Variants in ZNF597 observed in about 807,000 individuals in gnomAD.
ZNF597 encodes zinc finger protein 597.
ZNF597 carries 5 observed loss-of-function variants against 7.3 expected under a neutral mutation model. The ratio of observed to expected loss-of-function variants is 0.68; its 90% CI spans 0.36 to 1.44. The LOEUF (loss-of-function observed/expected upper bound fraction) is 1.44, where lower values mean the gene tolerates loss of function less well. Among genes scored for constraint, ZNF597 ranks in the 40% most tolerant of loss-of-function variants. The probability of loss-of-function intolerance (pLI) is 0.04; values close to 1 mark genes in which losing one functional copy is unlikely to be tolerated. For synonymous variants in ZNF597, 209 were observed against 185.4 expected (o/e 1.13, Z -1.04); for missense variants, 585 against 517.9 (o/e 1.13, Z -1.26).
In ZNF597 at chr16:3,437,236, C is replaced by T. The variant is rs751014206; in HGVS notation, c.463G>A (p.Val155Met). Reference protein sequence around the residue: ...LDSPWEGAKNVYKCPECDQNF... With the variant: ...LDSPWEGAKNMYKCPECDQNF... ...TGGTCACACTCAGGACATTTGTACA[C>T]ATTTTTGGCTCCTTCCCAGGGAGAA... The change falls in exon 4 of 4, where the codon GTG becomes ATG. Residue 155 changes from valine to methionine, a missense_variant. Transcript: ENST00000301744. The T allele has an allele frequency of 8.1e-6, 13 of 1,614,046 alleles. No homozygotes were observed. In the African/African-American group the frequency reaches 1.2e-4, roughly 15 times the overall value.
At chr16:3,438,630 T>C (rs37829) in intron 3 of ZNF597, among the ~76,000 whole-genome samples, 121,599 of 151,934 alleles carry the variant, frequency 0.8, 49,020 homozygotes, top group Admixed American at 0.87. Flanking sequence ...GCATTTTTCT[T>C]CCATAACAAA....
chr16:3,441,779 A>G (rs1394480729), intron 2 of ZNF597, among the ~76,000 whole-genome samples: 1 of 151,494 alleles, frequency 6.6e-6, no homozygotes, highest in East Asian at 1.9e-4. Flanking sequence ...ACAAAAACAA[A>G]ACAACAACAA....
chr16:3,439,820 G>A (rs1240237381), intron 3 of ZNF597, among the ~76,000 whole-genome samples: 1 of 151,840 alleles, frequency 6.6e-6, no homozygotes, highest in Non-Finnish European at 1.5e-5. Context: ...ATAACTAGAA[G>A]ACAAATCAAT....
rs1358524425 is a variant in ZNF597 at position 3,434,488 on chromosome 16, AACAGCC to A, written c.*1930_*1935del. ...CCTAAGAGTGGAGACATCAGAAACA[AACAGCC>A]AAAGTCTGACCTTGACATACAGAGC... On this transcript the variant is annotated 3_prime_UTR_variant, in exon 4 of 4. Coordinates refer to ENST00000301744, the MANE Select transcript of ZNF597 (RefSeq NM_152457.3). 1 of 152,228 alleles carries A rather than the reference AACAGCC, an allele frequency of 6.6e-6. No individual in the cohort carries two copies. The highest frequency in any genetic ancestry group is 2.4e-5 in the African/African-American group (1 of 41,452). The allele number at this position is 152,228 out of a possible 1,614,324, so 9.4% of individuals were successfully genotyped here.
chr16:3,439,359 G>C (rs577071702), intron 3 of ZNF597, among the ~76,000 whole-genome samples: 105 of 152,094 alleles, frequency 6.9e-4, no homozygotes, highest in South Asian at 1.5e-3. Flanking sequence ...CTCCAGCCTG[G>C]GTGACAGATC....
At chr16:3,439,583 A>C (rs947288779) in intron 3 of ZNF597, among the ~76,000 whole-genome samples, 1 of 152,154 alleles carries the variant, frequency 6.6e-6, no homozygotes, top group African/African-American at 2.4e-5. Flanking sequence ...TAACTCAAAT[A>C]AGTCCTAGCA....
rs746213899 is a variant in ZNF597, at chr16:3,436,771, A to G, written c.928T>C (p.Tyr310His). ...KCMKSFRQSL[Y>H]PALSEKSHDE... The stretch of plus-strand genomic sequence containing the variant: ...TGGCTCTTCTCGGAAAGGGCAGGAT[A>G]TAAGGACTGCCTGAAGCTCTTCATG... The change falls in exon 4 of 4, where the codon TAT (tyrosine) becomes CAT (histidine). Residue 310 changes from tyrosine to histidine, a missense_variant. Transcript: ENST00000301744. 14 of 1,613,694 alleles carry G rather than the reference A, an allele frequency of 8.7e-6. No homozygotes were observed. The highest frequency in any genetic ancestry group is 1.2e-5 in the Non-Finnish European group (14 of 1,180,036).
chr16:3,437,553 AAAAG>A lies in ZNF597; in HGVS notation c.161-19_161-16del. The A allele has an allele frequency of 6.4e-7, 1 of 1,570,776 alleles. No homozygotes were observed. The highest frequency in any genetic ancestry group is 8.6e-7 in the Non-Finnish European group (1 of 1,163,582). On this transcript the variant is annotated splice_polypyrimidine_tract_variant and intron_variant, in intron 3 of 3. Transcript: ENST00000301744. Reference sequence around the variant, plus strand: ...GCCTTCCTCTCCTGTTGATAAAAACAAAAGAAAGCAAAACATAGACAATATCTTC... The same window carrying A: ...GCCTTCCTCTCCTGTTGATAAAAACAAAAGCAAAACATAGACAATATCTTC...
intron 3 of ZNF597, among the ~76,000 whole-genome samples, chr16:3,438,472 A>G (rs1567352605): frequency 6.6e-6 from 1 of 152,086 alleles, no homozygotes; most frequent in East Asian, 1.9e-4. Context: ...CTGAGGCAGG[A>G]GAATGGCGTG....
Position 3,440,856 on chromosome 16 carries a change from G to C in ZNF597, c.111C>G (p.Ser37=). The C allele has an allele frequency of 6.2e-7, 1 of 1,613,984 alleles. No individual in the cohort carries two copies. Among genetic ancestry groups the C allele is most frequent in the South Asian group, 1.1e-5 (1 of 91,072 alleles). Residue 37 remains serine, a synonymous_variant, in exon 3 of 4, where the codon TCC becomes TCG. Coordinates refer to ENST00000301744, the MANE Select transcript of ZNF597 (RefSeq NM_152457.3). ...ECVTLHPAQR[S]LSKDGTKESL... ...ACTCTTTTGTACCATCTTTGCTGAG[G>C]GACCTCTGGGCAGGGTGCAGAGTCA...
Position 3,440,596 on chromosome 16 carries a change from T to C in ZNF597, c.160+211A>G, listed in dbSNP as rs566438313. Among the ~76,000 whole-genome samples the C allele has an allele frequency of 2.0e-5, 3 of 152,080 alleles. No homozygotes were observed. In the East Asian group the frequency reaches 5.8e-4, roughly 29 times the overall value. ...TTGCAGTGAGCAGAGATCGTGCCAC[T>C]GCACTCCAGCCTGGGCAACAGAGCG... On this transcript the variant is annotated intron_variant, in intron 3 of 3. Transcript: ENST00000301744.
rs1466646317 is a variant in ZNF597 at position 3,434,847 on chromosome 16, T to C, written c.*1577A>G. ...ATATTGTACTTTTATACTGTCTATT[T>C]AAATAGAATGAGAGCATTCTTCCAT... On this transcript the variant is annotated 3_prime_UTR_variant, in exon 4 of 4. Transcript: ENST00000301744. The C allele has an allele frequency of 6.6e-6, 1 of 152,194 alleles. No individual in the cohort carries two copies. The highest frequency in any genetic ancestry group is 1.5e-5 in the Non-Finnish European group (1 of 68,028). 9.4% of individuals were successfully genotyped at this position (152,194 alleles called of 1,614,324 possible).
chr16:3,441,117 G>A (rs547464572), intron 2 of ZNF597, among the ~76,000 whole-genome samples, 184 bp from the exon 3 acceptor site: 5 of 152,216 alleles, frequency 3.3e-5, no homozygotes, highest in Non-Finnish European at 7.3e-5. Flanking sequence ...GGGAAGAAGA[G>A]AGTAAACATG....
rs1476626418 is a variant in ZNF597 at position 3,436,481 on chromosome 16, G to T, written c.1218C>A (p.Phe406Leu). 1 of 1,614,190 alleles carries T rather than the reference G, an allele frequency of 6.2e-7. No individual in the cohort carries two copies. The highest frequency in any genetic ancestry group is 1.3e-5 in the African/African-American group (1 of 75,046). The change falls in exon 4 of 4, where the codon TTC becomes TTA. Residue 406 changes from phenylalanine (F) to leucine (L), a missense_variant. Coordinates refer to ENST00000301744, the MANE Select transcript of ZNF597 (RefSeq NM_152457.3). Reference sequence around the variant, plus strand: ...GAGTAATGAGATGCAAATTCGACTTGAAAGTTTTCCCACACACGGTACATT... The same window carrying T: ...GAGTAATGAGATGCAAATTCGACTTTAAAGTTTTCCCACACACGGTACATT... ...PFKCTVCGKT[F>L]KSNLHLITHK...
rs1373673414 is a variant in ZNF597, at chr16:3,440,843, C to T, written c.124G>A (p.Gly42Ser). The T allele has an allele frequency of 4.3e-6, 7 of 1,614,014 alleles. No individual in the cohort carries two copies. The highest frequency in any genetic ancestry group is 1.1e-5 in the South Asian group (1 of 91,068). Residue 42 changes from glycine (G) to serine (S), a missense_variant, in exon 3 of 4, where the codon GGT becomes AGT. By Grantham distance (56) the Gly-to-Ser change is moderately conservative. Transcript: ENST00000301744. ...GCATCCTCCAAAGACTCTTTTGTACCATCTTTGCTGAGGGACCTCTGGGCA... is the reference window on the plus strand; with the variant it reads ...GCATCCTCCAAAGACTCTTTTGTACTATCTTTGCTGAGGGACCTCTGGGCA... ...HPAQRSLSKDGTKESLEDAAL... is the reference protein window; with the variant it reads ...HPAQRSLSKDSTKESLEDAAL...
rs750790931 is a variant in ZNF597, at chr16:3,435,257, A to C, written c.*1167T>G. ...CCTGGAGAGTCTTCTGCTGCTTTGT[A>C]ACTGTATATGTTAGTCAGGCTTTGG... On this transcript the variant is annotated 3_prime_UTR_variant, in exon 4 of 4. Coordinates refer to ENST00000301744, the MANE Select transcript of ZNF597 (RefSeq NM_152457.3). 1.3e-4 allele frequency: 20 copies of C among 152,138 alleles called. No homozygotes were observed. Among genetic ancestry groups the C allele is most frequent in the Non-Finnish European group, 2.5e-4 (17 of 68,038 alleles). The allele number at this position is 152,138 out of a possible 1,614,324, so 9.4% of individuals were successfully genotyped here.
At chr16:3,442,173 A>T (rs2034389999) in intron 2 of ZNF597, among the ~76,000 whole-genome samples, 1 of 152,130 alleles carries the variant, frequency 6.6e-6, no homozygotes, top group Non-Finnish European at 1.5e-5. Context: ...TGATAAATTA[A>T]TCACTTGGGA....
At position 3,437,510 on chromosome 16, in the gene ZNF597, C is replaced by T. The variant is rs1464401385; in HGVS notation, c.189G>A (p.Gln63=). Residue 63 remains glutamine, a synonymous_variant, in exon 4 of 4, where the codon CAG becomes CAA. Transcript: ENST00000301744. ...MGEEGKPEIN[Q]QLSLESMELD... ...GTTCCATAGACTCTAGGCTTAACTG[C>T]TGATTAATCTCAGGCTTGCCTTCCT... The T allele has an allele frequency of 6.2e-7, 1 of 1,601,476 alleles. No homozygotes were observed. Among genetic ancestry groups the T allele is most frequent in the Non-Finnish European group, 8.5e-7 (1 of 1,175,578 alleles).
rs1264951197 is a variant in ZNF597, at chr16:3,437,344, G to C, written c.355C>G (p.Leu119Val). The change falls in exon 4 of 4, where the codon CTT becomes GTT. Residue 119 changes from leucine to valine, a missense_variant. Leu to Val is a conservative substitution (Grantham distance 32). Transcript: ENST00000301744. Reference protein sequence around the residue: ...TPTYKRRVISLLVTIENHTPL... With the variant: ...TPTYKRRVISVLVTIENHTPL... ...GTGTGGTTTTCAATGGTAACTAAAA[G>C]GCTGATGACCCTTCTCTTGTAAGTG... 6.2e-7 allele frequency: 1 copy of C among 1,614,094 alleles called. No homozygotes were observed. The highest frequency in any genetic ancestry group is 1.7e-5 in the Admixed American group (1 of 60,004).
Sources: gnomAD v4.1 joint callset for allele counts (sites outside exome capture counted in the v4.1 genomes callset) on GRCh38, gnomAD v4.1.1 for gene constraint, MANE v1.5 for transcripts, NCBI Gene and HGNC (gene_info 2026-07-23, HGNC 2026-07-21) for gene names.